FTCDNL1: variants seen among roughly 807,000 people sequenced by gnomAD.
FTCDNL1 encodes the protein formiminotransferase N-terminal subdomain-containing protein.
A neutral mutation model predicts 5.9 loss-of-function variants in FTCDNL1; 11 were observed. That is an observed-to-expected ratio of 1.87 (90% CI 1.18 to 3.10). The LOEUF (loss-of-function observed/expected upper bound fraction) is 3.10. Ranked by LOEUF, FTCDNL1 falls within the 30% of genes most tolerant of loss-of-function variation. FTCDNL1 has a pLI of 0.00. For synonymous variants in FTCDNL1, 58 were observed against 24.8 expected (o/e 2.34, Z -3.99); for missense variants, 115 against 65.5 (o/e 1.76, Z -2.61).
the FTCDNL1 span, among the ~76,000 whole-genome samples, chr2:199,749,791 A>T: frequency 6.6e-6 from 1 of 152,166 alleles, no homozygotes. Context: ...GTGCTCCCTC[A>T]CTAGGTTCTA....
At chr2:199,814,265 T>C (rs1266940312) in intron 4 of FTCDNL1, among the ~76,000 whole-genome samples, 1 of 152,190 alleles carries the variant, frequency 6.6e-6, no homozygotes, top group Non-Finnish European at 1.5e-5. Flanking sequence ...AATGCTCCCA[T>C]GGCGGGAAGA....
At chr2:199,798,079 A>G (rs1700260367) in intron 3 of FTCDNL1, among the ~76,000 whole-genome samples, 1 of 152,232 alleles carries the variant, frequency 6.6e-6, no homozygotes. Context: ...AGCCTCACAC[A>G]TAAGTTGAGC....
the FTCDNL1 span, among the ~76,000 whole-genome samples, chr2:199,678,894 AT>A: frequency 6.6e-6 from 1 of 152,014 alleles, no homozygotes; most frequent in South Asian, 2.1e-4. Flanking sequence ...TTTCAAAAAT[AT>A]TTATCTGCAT....
At chr2:199,775,859 T>C (rs1699033953) in intron 3 of FTCDNL1, among the ~76,000 whole-genome samples, 1 of 152,104 alleles carries the variant, frequency 6.6e-6, no homozygotes, top group East Asian at 1.9e-4. Context: ...GGATCATGTC[T>C]AGTTTATAAA....
chr2:199,720,736 C>A, the FTCDNL1 span, among the ~76,000 whole-genome samples: 1 of 152,070 alleles, frequency 6.6e-6, no homozygotes, highest in Non-Finnish European at 1.5e-5. Context: ...TTAATTACAT[C>A]TGCAAAGACC....
At chr2:199,762,892 T>C (rs1002285285) in intron 3 of FTCDNL1, among the ~76,000 whole-genome samples, 2 of 152,236 alleles carry the variant, frequency 1.3e-5, no homozygotes, top group Admixed American at 6.5e-5. Context: ...ACATCATTCC[T>C]GTAAAATGCA....
chr2:199,837,754 C>T (rs1574670251), intron 3 of FTCDNL1, among the ~76,000 whole-genome samples: 1 of 152,080 alleles, frequency 6.6e-6, no homozygotes, highest in East Asian at 1.9e-4. Context: ...CAATAAGTAT[C>T]AATCATGCCA....
chr2:199,722,480 G>T, the FTCDNL1 span, among the ~76,000 whole-genome samples: 4 of 151,394 alleles, frequency 2.6e-5, no homozygotes, highest in African/African-American at 9.7e-5. Context: ...TGTTCCATTG[G>T]TCTGTCTGTT....
chr2:199,707,655 T>C, the FTCDNL1 span, among the ~76,000 whole-genome samples: 1 of 152,006 alleles, frequency 6.6e-6, no homozygotes, highest in Non-Finnish European at 1.5e-5. Context: ...TAACAAACCA[T>C]CTCAGCTTTT....
chr2:199,690,342 T>C, the FTCDNL1 span, among the ~76,000 whole-genome samples: 3 of 152,232 alleles, frequency 2.0e-5, no homozygotes, highest in Non-Finnish European at 4.4e-5. Flanking sequence ...ATCGAAGTCC[T>C]GAACATGACA....
chr2:199,715,699 C>T, the FTCDNL1 span, among the ~76,000 whole-genome samples: 2 of 152,206 alleles, frequency 1.3e-5, no homozygotes, highest in South Asian at 4.2e-4. Context: ...AGGTGCAGAG[C>T]ATCATTACCT....
At chr2:199,836,907 C>T (rs2106617553) in intron 3 of FTCDNL1, among the ~76,000 whole-genome samples, 1 of 152,306 alleles carries the variant, frequency 6.6e-6, no homozygotes, top group African/African-American at 2.4e-5. Flanking sequence ...AGCATTTATC[C>T]ACCAGCTCTG....
At chr2:199,679,619 T>C in the FTCDNL1 span, among the ~76,000 whole-genome samples, 1 of 151,402 alleles carries the variant, frequency 6.6e-6, no homozygotes, top group African/African-American at 2.5e-5. Flanking sequence ...ATTTGGAACA[T>C]AGACATCTTT....
chr2:199,684,853 A>T, the FTCDNL1 span, among the ~76,000 whole-genome samples: 1 of 152,326 alleles, frequency 6.6e-6, no homozygotes, highest in Admixed American at 6.5e-5. Flanking sequence ...ATAACTTTTG[A>T]TAAATGTATA....
At chr2:199,824,892 C>T (rs1480873488) in intron 3 of FTCDNL1, among the ~76,000 whole-genome samples, 1 of 152,058 alleles carries the variant, frequency 6.6e-6, no homozygotes, top group East Asian at 1.9e-4. Flanking sequence ...AATCCCAGCA[C>T]TTTGGGAGGC....
At chr2:199,776,428 T>G (rs1699074597) in intron 3 of FTCDNL1, among the ~76,000 whole-genome samples, 1 of 152,216 alleles carries the variant, frequency 6.6e-6, no homozygotes, top group Non-Finnish European at 1.5e-5. Flanking sequence ...AATTAATCAT[T>G]CTAACAGCTT....
chr2:199,675,554 T>C, the FTCDNL1 span, among the ~76,000 whole-genome samples: 3 of 152,100 alleles, frequency 2.0e-5, no homozygotes, highest in Non-Finnish European at 2.9e-5. Flanking sequence ...AGAAATTGAT[T>C]TTTTTTTCTC....
intron 3 of FTCDNL1, chr2:199,844,467 T>C: frequency 1.5e-6 from 1 of 665,532 alleles, no homozygotes; most frequent in Non-Finnish European, 2.8e-6. Context: ...CAAGGGTGGA[T>C]TCCCTCTTGA....
the FTCDNL1 span, among the ~76,000 whole-genome samples, chr2:199,690,589 A>C: frequency 6.6e-6 from 1 of 152,200 alleles, no homozygotes; most frequent in African/African-American, 2.4e-5. Flanking sequence ...AGAGGTGGTC[A>C]CTAGCTCCTT....
Sources: gnomAD v4.1 joint callset for allele counts (sites outside exome capture counted in the v4.1 genomes callset) on GRCh38, gnomAD v4.1.1 for gene constraint, MANE v1.5 for transcripts, NCBI Gene and HGNC (gene_info 2026-07-23, HGNC 2026-07-21) for gene names.